The following ARHGEF40 variants were observed in gnomAD, a reference collection of about 807,000 sequenced individuals.
ARHGEF40 encodes the protein Rho guanine nucleotide exchange factor (GEF) 40.
A neutral mutation model predicts 165.9 loss-of-function variants in ARHGEF40; 98 were observed. That is an observed-to-expected ratio of 0.59 (90% CI 0.50 to 0.70). ARHGEF40 has a LOEUF of 0.70. Ranked by LOEUF, ARHGEF40 falls within the 30% of genes least tolerant of loss-of-function variation. ARHGEF40 has a pLI of 0.00. For synonymous variants in ARHGEF40, 792 were observed against 814.3 expected (o/e 0.97, Z 0.47); for missense variants, 1,815 against 1,968.0 (o/e 0.92, Z 1.47).
At chr14:21,065,873 C>T (rs570774053), upstream of ARHGEF40, among the ~76,000 whole-genome samples, 46 of 152,264 alleles carry the variant, frequency 3.0e-4, no homozygotes, top group Middle Eastern at 3.4e-3. Flanking sequence ...CCAAGGTGGG[C>T]GGATCACCTG....
chr14:21,061,766 G>C, the ARHGEF40 span, among the ~76,000 whole-genome samples: 3 of 152,306 alleles, frequency 2.0e-5, no homozygotes, highest in South Asian at 6.2e-4. Context: ...ATTTGTATTA[G>C]GCTTGTCATT....
At position 21,075,093 on chromosome 14, in the gene ARHGEF40, G is replaced by A. The variant is rs749757878; in HGVS notation, c.1363G>A (p.Glu455Lys). Residue 455 changes from glutamate to lysine, a missense_variant, in exon 3 of 24, where the codon GAG becomes AAG. Transcript: ENST00000298694. The surrounding 1 kb of genome is among the most constrained non-coding windows in gnomAD (Gnocchi z 4.5). Reference protein sequence around the residue: ...PKELKTAGEKEPQLSEACGPT... With the variant: ...PKELKTAGEKKPQLSEACGPT... Reference sequence around the variant, plus strand: ...AGAGCTCAAAACAGCAGGCGAGAAAGAGCCTCAGCTCTCTGAAGCCTGTGG... The same window carrying A: ...AGAGCTCAAAACAGCAGGCGAGAAAAAGCCTCAGCTCTCTGAAGCCTGTGG... 3 of 1,614,082 alleles carry A rather than the reference G, an allele frequency of 1.9e-6. No individual in the cohort carries two copies. Among genetic ancestry groups the A allele is most frequent in the East Asian group, 4.5e-5 (2 of 44,876 alleles).
Position 21,080,892 on chromosome 14 carries a change from G to C in ARHGEF40, c.2516G>C (p.Arg839Pro). ...CTCCAGGAGCGCCTGGCCCAGGCAC[G>C]GGAGGCCCTGGCTCTGGAGGAGAAT... ...AEVQERLAQAREALALEENAT... is the reference protein window; with the variant it reads ...AEVQERLAQAPEALALEENAT... Residue 839 changes from arginine to proline, a missense_variant, in exon 13 of 24, where the codon CGG becomes CCG. Arg to Pro is a moderately radical substitution (Grantham distance 103). Coordinates refer to ENST00000298694, the MANE Select transcript of ARHGEF40 (RefSeq NM_018071.5). 1 of 1,614,026 alleles carries C rather than the reference G, an allele frequency of 6.2e-7. No individual in the cohort carries two copies. The highest frequency in any genetic ancestry group is 8.5e-7 in the Non-Finnish European group (1 of 1,179,968).
chr14:21,087,839 C>A, intron 21 of ARHGEF40, 129 bp from the exon 22 acceptor site: 1 of 1,309,588 alleles, frequency 7.6e-7, no homozygotes, highest in Non-Finnish European at 1.1e-6. Context: ...TCCCTTGCAA[C>A]TGGATCGCTA....
chr14:21,070,979 A>G lies in ARHGEF40; in HGVS notation c.3+580A>G. On this transcript the variant is annotated intron_variant, in intron 1 of 23. Coordinates refer to ENST00000298694, the MANE Select transcript of ARHGEF40 (RefSeq NM_018071.5). The surrounding 1 kb of genome is among the most constrained non-coding windows in gnomAD (Gnocchi z 4.7). ...TCCCGCAGAGAAAAAGAGCTGCCTCAGGATAGTTGGGGGTGCTTGGGGGGG... is the reference window on the plus strand; with the variant it reads ...TCCCGCAGAGAAAAAGAGCTGCCTCGGGATAGTTGGGGGTGCTTGGGGGGG... 1 of 1,020,960 alleles carries G rather than the reference A, an allele frequency of 9.8e-7. No homozygotes were observed. Among genetic ancestry groups the G allele is most frequent in the South Asian group, 1.4e-5 (1 of 70,302 alleles). The allele number at this position is 1,020,960 out of a possible 1,614,324, so 63.2% of individuals were successfully genotyped here.
At chr14:21,069,174 C>T (rs1275427412), upstream of ARHGEF40, among the ~76,000 whole-genome samples, 1 of 152,248 alleles carries the variant, frequency 6.6e-6, no homozygotes, top group Admixed American at 6.5e-5. Flanking sequence ...GGCATCTCCC[C>T]GCCGTGCCCG....
In ARHGEF40 at chr14:21,081,654, T is replaced by TGGGCA; in HGVS notation, c.2788_2792dup (p.Ser931ArgfsTer20). On this transcript the variant is annotated frameshift_variant, in exon 14 of 24. Transcript: ENST00000298694. LOFTEE classifies it high-confidence loss of function. ...GAGATGCGGGCCCTGGCCCTGGACC[T>TGGGCA]GGGCAGCCCAGCAGCCCTGCGAGAA... 6.2e-7 allele frequency: 1 copy of TGGGCA among 1,606,686 alleles called. No individual in the cohort carries two copies. The highest frequency in any genetic ancestry group is 8.5e-7 in the Non-Finnish European group (1 of 1,177,178).
chr14:21,086,685 G>GTTT (rs200275005), intron 19 of ARHGEF40: 8 of 281,124 alleles, frequency 2.8e-5, no homozygotes, highest in Non-Finnish European at 4.1e-5. Flanking sequence ...AAATGTGAGG[G>GTTT]TTTGTTTTTT....
chr14:21,087,213 T>A (rs1373909669), intron 20 of ARHGEF40, 107 bp from the exon 21 acceptor site: 1 of 1,576,096 alleles, frequency 6.3e-7, no homozygotes, highest in Non-Finnish European at 8.7e-7. Flanking sequence ...CGTCCCCAAA[T>A]CAGTGGGACT....
At chr14:21,088,963 T>A in intron 23 of ARHGEF40, 51 bp from the exon 24 acceptor site, 1 of 1,372,088 alleles carries the variant, frequency 7.3e-7, no homozygotes, top group Non-Finnish European at 1.0e-6. Flanking sequence ...TACTTGGGAG[T>A]CAGCTTCTTC....
Position 21,075,676 on chromosome 14 carries a change from G to C in ARHGEF40, c.1650G>C (p.Leu550=), listed in dbSNP as rs371182651. ...GGVDQSGRAL[L]TITPPCPPEE... ...TGGACCAGAGTGGGCGAGCTCTGCTGACCATTACCCCACCGTGCCCTCCTG... is the reference window on the plus strand; with the variant it reads ...TGGACCAGAGTGGGCGAGCTCTGCTCACCATTACCCCACCGTGCCCTCCTG... The change falls in exon 5 of 24, where the codon CTG becomes CTC. Residue 550 remains leucine (L), a synonymous_variant. Coordinates refer to ENST00000298694, the MANE Select transcript of ARHGEF40 (RefSeq NM_018071.5). The surrounding 1 kb of genome is among the most constrained non-coding windows in gnomAD (Gnocchi z 4.5). 47 of 1,613,812 alleles carry C rather than the reference G, an allele frequency of 2.9e-5. No individual in the cohort carries two copies. Among genetic ancestry groups the C allele is most frequent in the Non-Finnish European group, 5.9e-6 (7 of 1,180,002 alleles).
chr14:21,072,217 G>A lies in ARHGEF40; in HGVS notation c.4-828G>A, dbSNP rs1380042576. Among the ~76,000 whole-genome samples the A allele has an allele frequency of 1.3e-5, 2 of 152,148 alleles. No homozygotes were observed. The highest frequency in any genetic ancestry group is 4.8e-5 in the African/African-American group (2 of 41,390). ...AGGGGAGTCTGGATGAAGCAGGGCT[G>A]AGTCTTTTTGAGACTCCTAGTGGAG... is the stretch of plus-strand genomic sequence containing the variant. On this transcript the variant is annotated intron_variant, in intron 1 of 23. Transcript: ENST00000298694. This position sits in a 1 kb window ranked among gnomAD's most constrained non-coding sequence, Gnocchi z 4.1.
At chr14:21,081,271 G>T in intron 13 of ARHGEF40, 1 of 774,286 alleles carries the variant, frequency 1.3e-6, no homozygotes, top group Non-Finnish European at 2.0e-6. Flanking sequence ...TTAGCACAGA[G>T]CCTGCCACTC....
chr14:21,079,319 C>T (rs1465263256), intron 11 of ARHGEF40, among the ~76,000 whole-genome samples: 1 of 152,162 alleles, frequency 6.6e-6, no homozygotes, highest in Non-Finnish European at 1.5e-5. Context: ...GTGCCTACCA[C>T]CTTAGCTGAA....
At chr14:21,086,704 A>G (rs541592245) in intron 19 of ARHGEF40, 7 of 354,362 alleles carry the variant, frequency 2.0e-5, no homozygotes, top group East Asian at 1.0e-4. Context: ...TTGTGTGTGT[A>G]TGTGCTCTTA....
upstream of ARHGEF40, among the ~76,000 whole-genome samples, chr14:21,065,671 C>G (rs1886226142): frequency 1.3e-5 from 2 of 152,156 alleles, no homozygotes; most frequent in South Asian, 4.1e-4. Flanking sequence ...GACTGTAACA[C>G]TTTAGTTAAG....
chr14:21,082,239 T>C lies in ARHGEF40; in HGVS notation c.3252-5T>C. Reference sequence around the variant, plus strand: ...CCTCCTCTGCCACTCCTATTGTGCCTGCAGTGCCCAGCAGCGGCTGGTGTC... The same window carrying C: ...CCTCCTCTGCCACTCCTATTGTGCCCGCAGTGCCCAGCAGCGGCTGGTGTC... On this transcript the variant is annotated splice_region_variant and splice_polypyrimidine_tract_variant and intron_variant, in intron 14 of 23. Transcript: ENST00000298694. 1 of 1,603,658 alleles carries C rather than the reference T, an allele frequency of 6.2e-7. No individual in the cohort carries two copies.
Position 21,078,938 on chromosome 14 carries a change from C to T in ARHGEF40, c.2301C>T (p.His767=). ...TLYQEVDEAI[H]QLVRLSNLHV... is the part of the protein sequence containing the mutation. The stretch of plus-strand genomic sequence containing the variant: ...ATCAGGAAGTGGACGAGGCCATTCA[C>T]CAGCTTGTGCGCCTCTCCAACCTGC... The change falls in exon 11 of 24, where the codon CAC becomes CAT. Residue 767 remains histidine, a synonymous_variant. Coordinates refer to ENST00000298694, the MANE Select transcript of ARHGEF40 (RefSeq NM_018071.5). The T allele has an allele frequency of 1.2e-6, 2 of 1,614,214 alleles. No homozygotes were observed. Among genetic ancestry groups the T allele is most frequent in the Non-Finnish European group, 1.7e-6 (2 of 1,180,010 alleles).
Position 21,089,152 on chromosome 14 carries a change from A to C in ARHGEF40, c.*144A>C. 1 of 411,306 alleles carries C rather than the reference A, an allele frequency of 2.4e-6. No individual in the cohort carries two copies. The highest frequency in any genetic ancestry group is 4.4e-6 in the Non-Finnish European group (1 of 229,800). The allele number at this position is 411,306 out of a possible 1,614,324, so 25.5% of individuals were successfully genotyped here. ...GACACAGAGGAGGTCTAACGACCAG[A>C]GTATTGCCCTGCCACCACTATCTCT... On this transcript the variant is annotated 3_prime_UTR_variant, in exon 24 of 24. Transcript: ENST00000298694.
Sources: gnomAD v4.1 joint callset for allele counts (sites outside exome capture counted in the v4.1 genomes callset) on GRCh38, gnomAD v4.1.1 for gene constraint, Gnocchi (gnomAD v3.1) non-coding constraint, MANE v1.5 for transcripts, NCBI Gene and HGNC (gene_info 2026-07-23, HGNC 2026-07-21) for gene names.